The following CLMP variants were observed in gnomAD, a reference collection of about 807,000 sequenced individuals.
The protein encoded by CLMP is CXADR-like membrane protein.
Under a neutral mutation model 45.2 loss-of-function variants are expected in CLMP, and 27 were observed. The ratio of observed to expected loss-of-function variants is 0.60; its 90% CI spans 0.44 to 0.82. CLMP has a LOEUF of 0.82. Ranked by LOEUF, CLMP falls within the 40% of genes least tolerant of loss-of-function variation. The probability of loss-of-function intolerance (pLI) is 0.00; values close to 1 mark genes in which losing one functional copy is unlikely to be tolerated. For synonymous variants in CLMP, 167 were observed against 171.4 expected, an observed-to-expected ratio of 0.97 and a Z score of 0.20; for missense variants, 403 against 448.4, an observed-to-expected ratio of 0.90 and a Z score of 0.91.
intron 1 of CLMP, among the ~76,000 whole-genome samples, chr11:123,159,109 G>A (rs1194902639): frequency 4.6e-5 from 7 of 152,118 alleles, no homozygotes; most frequent in African/African-American, 1.4e-4. Context: ...CCAAAGATCC[G>A]TCAAAGCATT....
intron 1 of CLMP, among the ~76,000 whole-genome samples, chr11:123,172,947 G>A (rs955618379): frequency 1.3e-4 from 20 of 152,176 alleles, no homozygotes; most frequent in African/African-American, 4.8e-4. Context: ...AATAATGTAT[G>A]AGCACTTCCA....
At chr11:123,133,398 A>G (rs1861020662) in intron 1 of CLMP, among the ~76,000 whole-genome samples, 1 of 152,170 alleles carries the variant, frequency 6.6e-6, no homozygotes, top group Admixed American at 6.5e-5. Context: ...CACCGTCAAC[A>G]TCTTCTTACC....
At chr11:123,111,909 A>G (rs1467761121) in intron 1 of CLMP, among the ~76,000 whole-genome samples, 1 of 151,968 alleles carries the variant, frequency 6.6e-6, no homozygotes, top group Non-Finnish European at 1.5e-5. Context: ...TTTGTCTAAG[A>G]CCAAAAAAGA....
At chr11:123,188,320 G>T (rs1018566216) in intron 1 of CLMP, among the ~76,000 whole-genome samples, 1 of 152,140 alleles carries the variant, frequency 6.6e-6, no homozygotes, top group Non-Finnish European at 1.5e-5. Context: ...CCCGCCATCC[G>T]TGAAATAGAA....
chr11:123,106,257 AGTT>A (rs1232108312), intron 1 of CLMP, among the ~76,000 whole-genome samples: 1 of 151,962 alleles, frequency 6.6e-6, no homozygotes, highest in African/African-American at 2.4e-5. Flanking sequence ...ACTCTTGAAC[AGTT>A]TATTAAATTT....
intron 1 of CLMP, among the ~76,000 whole-genome samples, chr11:123,118,813 C>T (rs1307352774): frequency 1.3e-5 from 2 of 152,080 alleles, no homozygotes; most frequent in Non-Finnish European, 2.9e-5. Flanking sequence ...AAATGGCTGC[C>T]TCACACTCAC....
chr11:123,142,273 AC>A (rs1488907885), intron 1 of CLMP, among the ~76,000 whole-genome samples: 2 of 152,262 alleles, frequency 1.3e-5, no homozygotes, highest in African/African-American at 4.8e-5. Flanking sequence ...GGCGTAAGTC[AC>A]TGCGCCTGGC....
intron 1 of CLMP, among the ~76,000 whole-genome samples, chr11:123,152,566 A>AAAAT (rs1555084856): frequency 6.9e-5 from 10 of 143,918 alleles, no homozygotes; most frequent in Non-Finnish European, 7.5e-5. Context: ...AAATAAATAA[A>AAAAT]AAATAAATAA....
At chr11:123,188,499 G>A (rs901026775) in intron 1 of CLMP, among the ~76,000 whole-genome samples, 8 of 151,112 alleles carry the variant, frequency 5.3e-5, no homozygotes, top group East Asian at 3.9e-4. Flanking sequence ...GCCACCGTTC[G>A]TGACCTGAAC....
intron 1 of CLMP, among the ~76,000 whole-genome samples, chr11:123,171,195 T>C (rs1861627503): frequency 6.6e-6 from 1 of 151,988 alleles, no homozygotes; most frequent in East Asian, 1.9e-4. Context: ...AGAACAAGCA[T>C]GAAGACCAGA....
At chr11:123,133,033 G>T (rs889146329) in intron 1 of CLMP, among the ~76,000 whole-genome samples, 5 of 152,198 alleles carry the variant, frequency 3.3e-5, no homozygotes, top group Admixed American at 6.5e-5. Context: ...CCTCCCAAAG[G>T]CTGGGGTTAT....
At chr11:123,104,402 C>G (rs1860505656) in intron 1 of CLMP, among the ~76,000 whole-genome samples, 1 of 148,928 alleles carries the variant, frequency 6.7e-6, no homozygotes, top group Non-Finnish European at 1.5e-5. Flanking sequence ...TTTTTTTTCC[C>G]CAGACGGAGT....
intron 2 of CLMP, among the ~76,000 whole-genome samples, chr11:123,088,969 T>C (rs141951317): frequency 1.4e-4 from 22 of 152,292 alleles, no homozygotes; most frequent in Non-Finnish European, 1.8e-4. Context: ...GATGCCTTCG[T>C]CTTGAAATAT....
At chr11:123,083,345 G>A (rs1260565300) in intron 4 of CLMP, 138 bp from the exon 5 acceptor site, 20 of 919,638 alleles carry the variant, frequency 2.2e-5, no homozygotes, top group Non-Finnish European at 3.3e-5. Flanking sequence ...TATCCTTTGG[G>A]AACATGAGAA....
At chr11:123,105,483 T>G (rs1860530901) in intron 1 of CLMP, among the ~76,000 whole-genome samples, 1 of 151,366 alleles carries the variant, frequency 6.6e-6, no homozygotes, top group Non-Finnish European at 1.5e-5. Flanking sequence ...CAGGCTGGAG[T>G]GCAGTGGCAC....
At chr11:123,097,766 G>C (rs1866006918) in intron 2 of CLMP, 29 bp downstream of exon 2, 1 of 1,518,742 alleles carries the variant, frequency 6.6e-7, no homozygotes. Context: ...ACAAGAAGGA[G>C]GAGGGACTCC....
chr11:123,168,313 G>A lies in CLMP; in HGVS notation c.28+26600C>T, dbSNP rs1015250136. On this transcript the variant is annotated intron_variant, in intron 1 of 6. Transcript: ENST00000448775. ...GTTACACCCCAGAGCTGGGGCCACG[G>A]CACTCCAGCTTTGACCAGACAGCAT... Among the ~76,000 whole-genome samples the A allele has an allele frequency of 3.3e-5, 5 of 152,078 alleles. No homozygotes were observed. In the South Asian group the frequency reaches 6.2e-4, roughly 19 times the overall value.
intron 5 of CLMP, among the ~76,000 whole-genome samples, chr11:123,078,348 C>G (rs147292584): frequency 4.5e-3 from 686 of 152,160 alleles, no homozygotes; most frequent in Admixed American, 7.9e-3. Context: ...TTAAAGAAAC[C>G]AGACAAAATG....
At chr11:123,093,202 G>A (rs944963483) in intron 2 of CLMP, among the ~76,000 whole-genome samples, 4 of 151,832 alleles carry the variant, frequency 2.6e-5, no homozygotes, top group Admixed American at 1.3e-4. Flanking sequence ...CACCACGCCC[G>A]GCCATCACAC....
Sources: allele counts gnomAD v4.1 joint callset (sites outside exome capture counted in the v4.1 genomes callset), GRCh38; gene constraint gnomAD v4.1.1; transcripts MANE v1.5; gene names NCBI Gene and HGNC (gene_info 2026-07-23, HGNC 2026-07-21).